Variants in NLRP14 observed in about 807,000 individuals in gnomAD.
NLRP14 encodes NACHT, LRR and PYD domains-containing protein 14.
In NLRP14, 105 loss-of-function variants were observed where a neutral mutation model predicts 94.7. That is an observed-to-expected ratio of 1.11 (90% CI 0.95 to 1.30). The LOEUF (loss-of-function observed/expected upper bound fraction) is 1.30, where lower values mean the gene tolerates loss of function less well. Ranked by LOEUF, NLRP14 falls within the 50% of genes most tolerant of loss-of-function variation. NLRP14 has a pLI of 0.00. For missense variants in NLRP14, 1,362 were observed against 1,254.1 expected, an observed-to-expected ratio of 1.09 and a Z score of -1.30; for synonymous variants, 508 against 459.9, an observed-to-expected ratio of 1.10 and a Z score of -1.34.
At chr11:7,057,985 C>A (rs1852543553) in intron 7 of NLRP14, 138 bp downstream of exon 7, 2 of 760,850 alleles carry the variant, frequency 2.6e-6, no homozygotes, top group Non-Finnish European at 2.4e-6. Context: ...CTACATGCAT[C>A]CCCCTTCTCT....
At chr11:7,085,527 G>T in the NLRP14 span, among the ~76,000 whole-genome samples, 5 of 152,060 alleles carry the variant, frequency 3.3e-5, no homozygotes, top group African/African-American at 4.8e-5. Context: ...TGTCCTTAAG[G>T]TTCATCCATG....
At chr11:7,058,033 T>A (rs1852544813) in intron 7 of NLRP14, among the ~76,000 whole-genome samples, 186 bp downstream of exon 7, 1 of 151,952 alleles carries the variant, frequency 6.6e-6, no homozygotes, top group African/African-American at 2.4e-5. Context: ...CTTTTAGACC[T>A]ATCATTTTTT....
At chr11:7,053,409 G>A (rs1056464232) in intron 6 of NLRP14, among the ~76,000 whole-genome samples, 36 of 149,482 alleles carry the variant, frequency 2.4e-4, no homozygotes, top group African/African-American at 7.1e-4. Context: ...ACAAGCTTCC[G>A]GTTTATAAAG....
intron 6 of NLRP14, among the ~76,000 whole-genome samples, chr11:7,050,131 T>C (rs1852420588): frequency 6.6e-6 from 1 of 152,250 alleles, no homozygotes; most frequent in African/African-American, 2.4e-5. Context: ...TTAACACTTC[T>C]AATATTTAAG....
intron 6 of NLRP14, among the ~76,000 whole-genome samples, chr11:7,057,399 A>G (rs900154017): frequency 1.3e-5 from 2 of 152,030 alleles, no homozygotes; most frequent in African/African-American, 4.8e-5. Context: ...CCAGACTAAA[A>G]AATATTATCA....
At chr11:7,039,317 A>G (rs184807196) in intron 2 of NLRP14, among the ~76,000 whole-genome samples, 1 of 152,182 alleles carries the variant, frequency 6.6e-6, no homozygotes, top group Non-Finnish European at 1.5e-5. Context: ...GAAATATTAT[A>G]GACCTCTAGA....
chr11:7,089,059 G>T, the NLRP14 span: 1 of 1,562,772 alleles, frequency 6.4e-7, no homozygotes, highest in Admixed American at 1.8e-5. Flanking sequence ...GAGCTCGAAG[G>T]CTGCGACTGG....
At chr11:7,058,539 CCTTG>C (rs1409061284) in intron 8 of NLRP14, 89 bp downstream of exon 8, 2 of 1,021,882 alleles carry the variant, frequency 2.0e-6, no homozygotes, top group East Asian at 5.2e-5. Context: ...ACATTCTGTC[CCTTG>C]CTTTTTCCCT....
chr11:7,060,198 T>G (rs572725493), intron 9 of NLRP14, 134 bp downstream of exon 9: 232 of 815,504 alleles, frequency 2.8e-4, no homozygotes, highest in Admixed American at 8.6e-4. Flanking sequence ...CTCTTCTGCC[T>G]GAGACAAGCT....
chr11:7,068,752 G>A (rs967017464), intron 10 of NLRP14, among the ~76,000 whole-genome samples: 3 of 152,106 alleles, frequency 2.0e-5, no homozygotes, highest in African/African-American at 2.4e-5. Context: ...CAATCACCTA[G>A]GCAACCAAGC....
In NLRP14 at chr11:7,042,830, T is replaced by C. The variant is rs1452643679; in HGVS notation, c.804T>C (p.Phe268=). 3.7e-6 allele frequency: 6 copies of C among 1,614,076 alleles called. No homozygotes were observed. Among genetic ancestry groups the C allele is most frequent in the African/African-American group, 2.7e-5 (2 of 74,926 alleles). The part of the protein sequence containing the change: ...IDSFDELNFA[F]EEPEFALCED... ...GTTTCGATGAACTGAACTTTGCCTT[T>C]GAAGAACCTGAGTTTGCACTGTGCG... Residue 268 remains phenylalanine, a synonymous_variant, in exon 4 of 12, where the codon TTT becomes TTC. Coordinates refer to ENST00000299481, the MANE Select transcript of NLRP14 (RefSeq NM_176822.4).
chr11:7,083,187 C>G, the NLRP14 span, among the ~76,000 whole-genome samples: 1 of 152,210 alleles, frequency 6.6e-6, no homozygotes, highest in East Asian at 1.9e-4. Context: ...CTAGGAGATG[C>G]TTGTCTCCTT....
intron 4 of NLRP14, among the ~76,000 whole-genome samples, chr11:7,045,546 G>A (rs1426969705): frequency 6.6e-6 from 1 of 152,018 alleles, no homozygotes; most frequent in Non-Finnish European, 1.5e-5. Context: ...ATTTTATCTC[G>A]TGTTCGCACA....
rs1393986318 is a variant in NLRP14, at chr11:7,042,481, A to G, written c.455A>G (p.His152Arg). ...SLAGKPEDFHHGIAEKDRKLL... is the reference protein window; with the variant it reads ...SLAGKPEDFHRGIAEKDRKLL... ...GCTGGAAAGCCTGAAGATTTCCATC[A>G]TGGAATTGCAGAGAAAGATAGAAAA... is the stretch of plus-strand genomic sequence containing the variant. The change falls in exon 4 of 12, where the codon CAT (histidine) becomes CGT (arginine). Residue 152 changes from histidine to arginine, a missense_variant. Coordinates refer to ENST00000299481, the MANE Select transcript of NLRP14 (RefSeq NM_176822.4). 6.2e-7 allele frequency: 1 copy of G among 1,614,040 alleles called. No individual in the cohort carries two copies.
intron 1 of NLRP14, among the ~76,000 whole-genome samples, chr11:7,035,671 C>A (rs1852151018): frequency 6.6e-6 from 1 of 152,156 alleles, no homozygotes; most frequent in Admixed American, 6.5e-5. Flanking sequence ...CTTCCTAGGT[C>A]AAATCTTACC....
intron 10 of NLRP14, among the ~76,000 whole-genome samples, chr11:7,064,272 A>C (rs1852672716): frequency 6.6e-6 from 1 of 152,156 alleles, no homozygotes; most frequent in South Asian, 2.1e-4. Context: ...TATTGATGGC[A>C]TCAGGCACAG....
chr11:7,047,968 C>T (rs1234078974), intron 5 of NLRP14, among the ~76,000 whole-genome samples: 2 of 151,754 alleles, frequency 1.3e-5, no homozygotes, highest in Non-Finnish European at 2.9e-5. Flanking sequence ...CCATGTTGGC[C>T]AAGCTGGTCT....
chr11:7,056,047 G>A (rs1228126703), intron 6 of NLRP14, among the ~76,000 whole-genome samples: 1 of 151,858 alleles, frequency 6.6e-6, no homozygotes, highest in Non-Finnish European at 1.5e-5. Context: ...TGAATCACTG[G>A]TGATTGATGT....
At chr11:7,039,573 G>A in intron 2 of NLRP14, 141 bp from the exon 3 acceptor site, 1 of 762,382 alleles carries the variant, frequency 1.3e-6, no homozygotes, top group Non-Finnish European at 2.4e-6. Context: ...TGGAGTCTGA[G>A]GCTCTGGCAG....
Sources: allele counts gnomAD v4.1 joint callset (sites outside exome capture counted in the v4.1 genomes callset), GRCh38; gene constraint gnomAD v4.1.1; transcripts MANE v1.5; gene names NCBI Gene and HGNC (gene_info 2026-07-23, HGNC 2026-07-21).